Variants in ULBP2 observed in about 807,000 individuals in gnomAD.
ULBP2 encodes UL16-binding protein 2.
Under a neutral mutation model 23.6 loss-of-function variants are expected in ULBP2, and 21 were observed. The ratio of observed to expected loss-of-function variants is 0.89; its 90% CI spans 0.63 to 1.28. The LOEUF (loss-of-function observed/expected upper bound fraction) is 1.28, where lower values mean the gene tolerates loss of function less well. ULBP2 is among the 50% of genes most tolerant of loss of function. ULBP2 has a pLI of 0.00. For synonymous variants in ULBP2, 82 were observed against 112.8 expected, an observed-to-expected ratio of 0.73 and a Z score of 1.73; for missense variants, 251 against 306.0, an observed-to-expected ratio of 0.82 and a Z score of 1.34.
Position 149,943,703 on chromosome 6 carries a change from TGCATG to T in ULBP2, c.85+1550_85+1554del, listed in dbSNP as rs372250719. Among the ~76,000 whole-genome samples, 604 of 152,148 alleles carry T rather than the reference TGCATG, an allele frequency of 4.0e-3. 7 individuals carry two copies. Among genetic ancestry groups the T allele is most frequent in the African/African-American group, 0.014 (581 of 41,436 alleles). On this transcript the variant is annotated intron_variant, in intron 1 of 4. Transcript: ENST00000367351. ...TGCCTTGTCATGGGCCTTCTTTATATGCATGGCAAAAGGCCCCATCTCTGCCAAGG... is the reference window on the plus strand; with the variant it reads ...TGCCTTGTCATGGGCCTTCTTTATATGCAAAAGGCCCCATCTCTGCCAAGG...
At chr6:149,945,832 T>C (rs1357641383) in intron 2 of ULBP2, among the ~76,000 whole-genome samples, 3 of 150,868 alleles carry the variant, frequency 2.0e-5, no homozygotes, top group Non-Finnish European at 2.9e-5. Context: ...TCCCAGCAAC[T>C]TGGGAGGCTG....
chr6:149,948,522 C>T (rs1406749718), intron 4 of ULBP2, among the ~76,000 whole-genome samples: 3 of 152,128 alleles, frequency 2.0e-5, no homozygotes, highest in Non-Finnish European at 2.9e-5. Flanking sequence ...TGGTCAGGTG[C>T]AGGGCCTGGG....
chr6:149,948,564 G>C (rs879181646), intron 4 of ULBP2, among the ~76,000 whole-genome samples, 159 bp from the exon 5 acceptor site: 1 of 152,150 alleles, frequency 6.6e-6, no homozygotes, highest in South Asian at 2.1e-4. Context: ...GGAGGAAAGA[G>C]GTAGGTCCAA....
intron 4 of ULBP2, 129 bp from the exon 5 acceptor site, chr6:149,948,594 A>C (rs1040471073): frequency 2.2e-6 from 1 of 445,084 alleles, no homozygotes; most frequent in African/African-American, 2.0e-5. Flanking sequence ...GCCAGGGTTG[A>C]GGCTCAAGGG....
At chr6:149,946,254 A>C in intron 2 of ULBP2, 118 bp from the exon 3 acceptor site, 1 of 1,297,342 alleles carries the variant, frequency 7.7e-7, no homozygotes, top group South Asian at 1.4e-5. Flanking sequence ...ACCCCTCAAG[A>C]GTCTAGAGGC....
intron 2 of ULBP2, among the ~76,000 whole-genome samples, chr6:149,946,141 C>T (rs1458800414): frequency 6.7e-6 from 1 of 149,196 alleles, no homozygotes; most frequent in Non-Finnish European, 1.5e-5. Context: ...ACTTAGGAGG[C>T]TGAGTGAGCC....
chr6:149,947,124 G>A (rs1023037439), intron 3 of ULBP2, among the ~76,000 whole-genome samples, 196 bp from the exon 4 acceptor site: 3 of 151,920 alleles, frequency 2.0e-5, no homozygotes, highest in African/African-American at 7.3e-5. Flanking sequence ...CTCAGCAGCT[G>A]TGTGAGCTCC....
chr6:149,949,013 G>T lies in ULBP2; in HGVS notation c.*313G>T. On this transcript the variant is annotated 3_prime_UTR_variant, in exon 5 of 5. Coordinates refer to ENST00000367351, the MANE Select transcript of ULBP2 (RefSeq NM_025217.4). ...ATATCATTTTCTTTCTTCTCTTTTT[G>T]TTTGGAAAATCAAGTACTTCTTTGA... 4.8e-6 allele frequency: 1 copy of T among 207,222 alleles called. No individual in the cohort carries two copies. The highest frequency in any genetic ancestry group is 9.9e-6 in the Non-Finnish European group (1 of 101,014). 12.8% of individuals were successfully genotyped at this position (207,222 alleles called of 1,614,324 possible).
rs576829836 is a variant in ULBP2 at position 149,946,340 on chromosome 6, G to A, written c.350-32G>A. Reference sequence around the variant, plus strand: ...AGGATGGGGGTGCAAAATTTGTCAAGATCAGAGCTGATCTCTCTCTGATGG... The same window carrying A: ...AGGATGGGGGTGCAAAATTTGTCAAAATCAGAGCTGATCTCTCTCTGATGG... On this transcript the variant is annotated intron_variant, in intron 2 of 4. Coordinates refer to ENST00000367351, the MANE Select transcript of ULBP2 (RefSeq NM_025217.4). 13 of 1,594,898 alleles carry A rather than the reference G, an allele frequency of 8.2e-6. No individual in the cohort carries two copies. In the South Asian group the frequency reaches 1.0e-4, roughly 13 times the overall value.
intron 1 of ULBP2, among the ~76,000 whole-genome samples, chr6:149,944,098 A>G (rs1460755675): frequency 6.6e-6 from 1 of 151,892 alleles, no homozygotes; most frequent in Non-Finnish European, 1.5e-5. Flanking sequence ...TCCTGGCTGC[A>G]GGGTTAAAGG....
At position 149,946,862 on chromosome 6, in the gene ULBP2, C is replaced by T. The variant is rs539626038; in HGVS notation, c.631+209C>T. ...CCCTCCTGACTCCTATTCCTCACTG[C>T]ACTTGCTCCTGCTCCCCGCCCTGTG... On this transcript the variant is annotated intron_variant, in intron 3 of 4. Coordinates refer to ENST00000367351, the MANE Select transcript of ULBP2 (RefSeq NM_025217.4). Among the ~76,000 whole-genome samples the T allele has an allele frequency of 2.0e-5, 3 of 152,318 alleles. No individual in the cohort carries two copies. The East Asian group carries it at 5.8e-4, about 29-fold the overall frequency.
chr6:149,945,940 C>CA (rs57354290), intron 2 of ULBP2, among the ~76,000 whole-genome samples: 7,281 of 72,812 alleles, frequency 0.1, 737 homozygotes, highest in East Asian at 0.33. Context: ...GACTTTGTCT[C>CA]AAAAAAAAAA....
intron 2 of ULBP2, 29 bp from the exon 3 acceptor site, chr6:149,946,343 C>T: frequency 6.3e-7 from 1 of 1,597,184 alleles, no homozygotes; most frequent in South Asian, 1.1e-5. Context: ...TTGTCAAGAT[C>T]AGAGCTGATC....
At position 149,945,424 on chromosome 6, in the gene ULBP2, C is replaced by T. The variant is rs1050748941; in HGVS notation, c.201C>T (p.Gly67=). 1 of 1,613,798 alleles carries T rather than the reference C, an allele frequency of 6.2e-7. No homozygotes were observed. The highest frequency in any genetic ancestry group is 2.2e-5 in the East Asian group (1 of 44,894). ...AGACTTTTCTTCACTATGACTGTGG[C>T]AACAAGACAGTCACACCTGTCAGTC... ...DEKTFLHYDC[G]NKTVTPVSPL... Residue 67 remains glycine, a synonymous_variant, in exon 2 of 5, where the codon GGC becomes GGT. Transcript: ENST00000367351.
rs1316335690 is a variant in ULBP2, at chr6:149,947,207, G to T, written c.632-113G>T. The stretch of plus-strand genomic sequence containing the variant: ...ATACTGGCTGCCCCACACCAGGGGG[G>T]AGAGGACAAAACTTTTGCCTTCCAG... On this transcript the variant is annotated intron_variant, in intron 3 of 4. Coordinates refer to ENST00000367351, the MANE Select transcript of ULBP2 (RefSeq NM_025217.4). 7.5e-6 allele frequency: 12 copies of T among 1,595,812 alleles called. No homozygotes were observed. The African/African-American group carries it at 1.2e-4, about 16-fold the overall frequency.
intron 2 of ULBP2, among the ~76,000 whole-genome samples, 176 bp downstream of exon 2, chr6:149,945,748 C>G (rs1159248595): frequency 6.6e-6 from 1 of 152,088 alleles, no homozygotes; most frequent in Non-Finnish European, 1.5e-5. Flanking sequence ...CGAGACCAGC[C>G]TGACCAACAT....
In ULBP2 at chr6:149,942,099, C is replaced by A. The variant is rs1182834288; in HGVS notation, c.27C>A (p.Ile9=). The A allele has an allele frequency of 6.2e-6, 10 of 1,613,418 alleles. No homozygotes were observed. Among genetic ancestry groups the A allele is most frequent in the Middle Eastern group, 3.3e-4 (2 of 6,082 alleles). ...TGGCAGCAGCCGCCGCTACCAAGAT[C>A]CTTCTGTGCCTCCCGCTTCTGCTCC... MAAAAATK[I]LLCLPLLLLL... The change falls in exon 1 of 5, where the codon ATC becomes ATA. Residue 9 remains isoleucine, a synonymous_variant. Transcript: ENST00000367351.
chr6:149,946,612 T>A lies in ULBP2; in HGVS notation c.590T>A (p.Phe197Tyr). ...GACTGTATAGGATGGCTTGAGGACT[T>A]CTTGATGGGCATGGACAGCACCCTG... ...MGDCIGWLED[F>Y]LMGMDSTLEP... The change falls in exon 3 of 5, where the codon TTC becomes TAC. Residue 197 changes from phenylalanine to tyrosine, a missense_variant. Coordinates refer to ENST00000367351, the MANE Select transcript of ULBP2 (RefSeq NM_025217.4). 1 of 1,614,126 alleles carries A rather than the reference T, an allele frequency of 6.2e-7. No individual in the cohort carries two copies. Among genetic ancestry groups the A allele is most frequent in the Non-Finnish European group, 8.5e-7 (1 of 1,180,016 alleles).
In ULBP2 at chr6:149,942,134, G is replaced by T. The variant is rs1292122377; in HGVS notation, c.62G>T (p.Gly21Val). Reference protein sequence around the residue: ...LCLPLLLLLSGWSRAGRADPH... With the variant: ...LCLPLLLLLSVWSRAGRADPH... ...CTCCCGCTTCTGCTCCTGCTGTCCG[G>T]CTGGTCCCGGGCTGGGCGAGCCGGT... The change falls in exon 1 of 5, where the codon GGC becomes GTC. Residue 21 changes from glycine to valine, a missense_variant. Coordinates refer to ENST00000367351, the MANE Select transcript of ULBP2 (RefSeq NM_025217.4). 1.9e-6 allele frequency: 3 copies of T among 1,610,692 alleles called. No homozygotes were observed. The highest frequency in any genetic ancestry group is 3.4e-5 in the Admixed American group (2 of 59,694).
Sources: gnomAD v4.1 joint callset for allele counts (sites outside exome capture counted in the v4.1 genomes callset) on GRCh38, gnomAD v4.1.1 for gene constraint, MANE v1.5 for transcripts, NCBI Gene and HGNC (gene_info 2026-07-23, HGNC 2026-07-21) for gene names.